Variants in DIS3L2 observed in about 807,000 individuals in gnomAD.
DIS3L2 encodes DIS3 like 3'-5' exoribonuclease 2.
DIS3L2 carries 34 observed loss-of-function variants against 97.5 expected under a neutral mutation model. The observed-to-expected ratio is 0.35, with a 90% confidence interval of 0.27 to 0.46. The LOEUF (loss-of-function observed/expected upper bound fraction) is 0.46, where lower values mean the gene tolerates loss of function less well. Among genes scored for constraint, DIS3L2 ranks in the 20% least tolerant of loss-of-function variants. The pLI is 1.00. For missense variants in DIS3L2, 1,038 were observed against 1,146.0 expected (o/e 0.91, Z 1.36); for synonymous variants, 435 against 445.2 (o/e 0.98, Z 0.29).
chr2:232,047,822 ATTTGTCGT>A (rs1185178163), intron 5 of DIS3L2, among the ~76,000 whole-genome samples: 5 of 152,086 alleles, frequency 3.3e-5, no homozygotes, highest in Non-Finnish European at 7.4e-5. Context: ...ATTGTACAAT[ATTTGTCGT>A]TTTGTGTTTG....
intron 12 of DIS3L2, among the ~76,000 whole-genome samples, chr2:232,262,342 A>G (rs185464344): frequency 4.6e-5 from 7 of 152,326 alleles, no homozygotes; most frequent in African/African-American, 1.7e-4. Context: ...TTTGTTTTAA[A>G]AGTAATACAT....
At chr2:232,036,104 G>A (rs1264439758) in intron 5 of DIS3L2, among the ~76,000 whole-genome samples, 2 of 152,194 alleles carry the variant, frequency 1.3e-5, no homozygotes, top group East Asian at 1.9e-4. Context: ...ATAATATCCT[G>A]AAGTGTGTTT....
chr2:231,968,691 A>G (rs1241747991), intron 1 of DIS3L2, among the ~76,000 whole-genome samples: 1 of 152,246 alleles, frequency 6.6e-6, no homozygotes, highest in East Asian at 1.9e-4. Context: ...AAGGCTTTGT[A>G]TGGACATATG....
At chr2:232,053,125 A>T (rs1187502023) in intron 5 of DIS3L2, among the ~76,000 whole-genome samples, 1 of 152,192 alleles carries the variant, frequency 6.6e-6, no homozygotes, top group Non-Finnish European at 1.5e-5. Flanking sequence ...TCATGAGGAG[A>T]CAATGTCTGG....
chr2:232,308,672 A>C (rs1695044282), intron 14 of DIS3L2, among the ~76,000 whole-genome samples: 2 of 152,076 alleles, frequency 1.3e-5, no homozygotes, highest in African/African-American at 4.8e-5. Context: ...TGGGCTGTAC[A>C]TCCTCTCCCC....
intron 14 of DIS3L2, among the ~76,000 whole-genome samples, chr2:232,300,445 G>A (rs566926935): frequency 1.3e-5 from 2 of 152,236 alleles, no homozygotes; most frequent in East Asian, 3.9e-4. Flanking sequence ...TTGGTTCACT[G>A]TGTGACTTTG....
At chr2:232,087,824 T>G in intron 6 of DIS3L2, 103 bp downstream of exon 6, 1 of 947,308 alleles carries the variant, frequency 1.1e-6, no homozygotes, top group Non-Finnish European at 1.6e-6. Flanking sequence ...ATTGATATAG[T>G]CCTAATTTTT....
Position 232,268,570 on chromosome 2 carries a change from T to C in DIS3L2, c.1659+5130T>C, listed in dbSNP as rs1252961602. Among the ~76,000 whole-genome samples, 1 of 152,258 alleles carries C rather than the reference T, an allele frequency of 6.6e-6. No homozygotes were observed. ...GTTGCTTTAAATGGATAAATGTGGC[T>C]GTGTTTCAACAAAACTTTAAGAACA... On this transcript the variant is annotated intron_variant, in intron 13 of 20. Transcript: ENST00000325385. This position sits in a 1 kb window ranked among gnomAD's most constrained non-coding sequence, Gnocchi z 4.1.
intron 9 of DIS3L2, among the ~76,000 whole-genome samples, chr2:232,196,417 C>T (rs181568116): frequency 6.6e-6 from 1 of 152,264 alleles, no homozygotes; most frequent in East Asian, 1.9e-4. Context: ...GGTGCCAGGC[C>T]TGTTAAGGCC....
At chr2:232,056,548 C>A (rs1208471162) in intron 5 of DIS3L2, among the ~76,000 whole-genome samples, 1 of 152,080 alleles carries the variant, frequency 6.6e-6, no homozygotes, top group Non-Finnish European at 1.5e-5. Context: ...CGACTCCTAA[C>A]TAGAATTTAT....
chr2:232,115,839 T>C (rs921053568), intron 6 of DIS3L2, among the ~76,000 whole-genome samples: 15 of 152,036 alleles, frequency 9.9e-5, no homozygotes, highest in African/African-American at 3.6e-4. Flanking sequence ...AATAACCCCA[T>C]GTCAGGGAAG....
chr2:232,161,698 T>G (rs1574917258), intron 8 of DIS3L2, among the ~76,000 whole-genome samples: 1 of 152,188 alleles, frequency 6.6e-6, no homozygotes, highest in East Asian at 1.9e-4. Context: ...CTCAAACTCC[T>G]AGCCTCAAGT....
intron 10 of DIS3L2, among the ~76,000 whole-genome samples, chr2:232,220,882 C>G (rs1284462360): frequency 6.6e-6 from 1 of 151,722 alleles, no homozygotes; most frequent in Non-Finnish European, 1.5e-5. Context: ...GCGGGTGGAT[C>G]ACCTGATGTC....
At chr2:232,189,916 C>T (rs1443337542) in intron 9 of DIS3L2, among the ~76,000 whole-genome samples, 2 of 152,010 alleles carry the variant, frequency 1.3e-5, no homozygotes, top group African/African-American at 2.4e-5. Flanking sequence ...TTAAAAGGAA[C>T]CAGATTAATA....
chr2:232,299,862 T>C (rs1694812276), intron 13 of DIS3L2, among the ~76,000 whole-genome samples, 178 bp from the exon 14 acceptor site: 1 of 152,246 alleles, frequency 6.6e-6, no homozygotes, highest in East Asian at 1.9e-4. Flanking sequence ...ACAGTCATCA[T>C]TGATGATGGG....
intron 14 of DIS3L2, among the ~76,000 whole-genome samples, chr2:232,322,552 G>T (rs1403571863): frequency 6.6e-6 from 1 of 152,200 alleles, no homozygotes; most frequent in African/African-American, 2.4e-5. Context: ...TTGTTTCCCT[G>T]CAGACTTTAG....
intron 5 of DIS3L2, among the ~76,000 whole-genome samples, chr2:232,067,131 T>C (rs1695873735): frequency 6.6e-6 from 1 of 152,118 alleles, no homozygotes; most frequent in Admixed American, 6.5e-5. Context: ...TTCTATTTCA[T>C]TGATTTTCTC....
At chr2:232,267,550 T>C (rs1693884432) in intron 13 of DIS3L2, among the ~76,000 whole-genome samples, 1 of 152,252 alleles carries the variant, frequency 6.6e-6, no homozygotes, top group Non-Finnish European at 1.5e-5. Flanking sequence ...TTATAACATA[T>C]GTCTCTCATT....
At chr2:232,171,848 A>G (rs1690999708) in intron 9 of DIS3L2, among the ~76,000 whole-genome samples, 1 of 152,212 alleles carries the variant, frequency 6.6e-6, no homozygotes, top group South Asian at 2.1e-4. Context: ...ATGTTGATAA[A>G]TAGCACCACT....
Sources: gnomAD v4.1 joint callset for allele counts (sites outside exome capture counted in the v4.1 genomes callset) on GRCh38, gnomAD v4.1.1 for gene constraint, Gnocchi (gnomAD v3.1) non-coding constraint, MANE v1.5 for transcripts, NCBI Gene and HGNC (gene_info 2026-07-23, HGNC 2026-07-21) for gene names.